MASP1: variants seen among roughly 807,000 people sequenced by gnomAD.
MASP1 encodes the protein mannan-binding lectin serine protease 1.
MASP1 carries 59 observed loss-of-function variants against 77.1 expected under a neutral mutation model. That is an observed-to-expected ratio of 0.77 (90% CI 0.62 to 0.95). The LOEUF (loss-of-function observed/expected upper bound fraction) is 0.95, where lower values mean the gene tolerates loss of function less well. Among genes scored for constraint, MASP1 ranks in the 40% least tolerant of loss-of-function variants. The probability of loss-of-function intolerance (pLI) is 0.00; values close to 1 mark genes in which losing one functional copy is unlikely to be tolerated. For missense variants in MASP1, 885 were observed against 912.9 expected (o/e 0.97, Z 0.39); for synonymous variants, 362 against 354.5 (o/e 1.02, Z -0.24).
chr3:187,220,943 C>T (rs1275297496), intron 15 of MASP1: 2 of 1,029,462 alleles, frequency 1.9e-6, no homozygotes, highest in Non-Finnish European at 3.1e-6. Flanking sequence ...ACTGCCAGCC[C>T]ACCAGGTTGG....
chr3:187,237,463 C>G (rs866763508), intron 10 of MASP1, among the ~76,000 whole-genome samples: 4 of 152,330 alleles, frequency 2.6e-5, no homozygotes, highest in Admixed American at 1.3e-4. Context: ...TGGATTAAGC[C>G]CCAGGGCATC....
chr3:187,256,769 C>T lies in MASP1; in HGVS notation c.639G>A (p.Leu213=). The change falls in exon 5 of 11, where the codon CTG becomes CTA. Residue 213 remains leucine (L), a synonymous_variant. Coordinates refer to ENST00000296280, the MANE Select transcript of MASP1 (RefSeq NM_139125.4). Reference sequence around the variant, plus strand: ...AACCCTCCTCCAGCTCGATGGTATACAGGCATTCAGAGCTCTTGGGGTAAG... The same window carrying T: ...AACCCTCCTCCAGCTCGATGGTATATAGGCATTCAGAGCTCTTGGGGTAAG... ...PNPYPKSSEC[L]YTIELEEGFM... 1.2e-6 allele frequency: 2 copies of T among 1,613,954 alleles called. No homozygotes were observed. The highest frequency in any genetic ancestry group is 1.1e-5 in the South Asian group (1 of 91,070).
intron 8 of MASP1, chr3:187,243,889 G>T (rs1417067115): frequency 2.0e-6 from 1 of 502,626 alleles, no homozygotes; most frequent in African/African-American, 1.9e-5. Context: ...GGTAGGGGAA[G>T]GTCTACTGAG....
Position 187,256,675 on chromosome 3 carries a change from C to T in MASP1, c.733G>A (p.Asp245Asn), listed in dbSNP as rs1401421441. The T allele has an allele frequency of 6.2e-7, 1 of 1,613,948 alleles. No individual in the cohort carries two copies. The highest frequency in any genetic ancestry group is 1.1e-5 in the South Asian group (1 of 91,048). Reference protein sequence around the residue: ...EDHPEVPCPYDYIKIKVGPKV... With the variant: ...EDHPEVPCPYNYIKIKVGPKV... ...CATTGCAGGCTCACCTTGATGTAGTCATAGGGGCAGGGCACCTCAGGATGG... is the reference window on the plus strand; with the variant it reads ...CATTGCAGGCTCACCTTGATGTAGTTATAGGGGCAGGGCACCTCAGGATGG... The change falls in exon 5 of 11, where the codon GAC (aspartate) becomes AAC (asparagine). Residue 245 changes from aspartate to asparagine, a missense_variant. Asp to Asn is a conservative substitution (Grantham distance 23). Coordinates refer to ENST00000296280, the MANE Select transcript of MASP1 (RefSeq NM_139125.4).
intron 10 of MASP1, 150 bp from the exon 11 acceptor site, chr3:187,236,717 G>C: frequency 7.3e-7 from 1 of 1,375,478 alleles, no homozygotes; most frequent in Non-Finnish European, 1.0e-6. Context: ...TAGCCTGGGA[G>C]AGCTCTACTC....
At chr3:187,262,938 G>T (rs924637840) in intron 2 of MASP1, 1 of 527,616 alleles carries the variant, frequency 1.9e-6, no homozygotes, top group Non-Finnish European at 3.4e-6. Flanking sequence ...AGTTCCATTA[G>T]AAGTAGCTTG....
Position 187,234,374 on chromosome 3 carries a change from C to T in MASP1, c.*1310G>A, listed in dbSNP as rs753222926. On this transcript the variant is annotated 3_prime_UTR_variant, in exon 11 of 11. Transcript: ENST00000296280. ...ATCAGCCCTGTGAGGGCCAGAGAGG[C>T]TGCTAGCAGTCAGGGAAGCTCTGAG... The T allele has an allele frequency of 4.0e-5, 52 of 1,287,132 alleles. No individual in the cohort carries two copies. The highest frequency in any genetic ancestry group is 5.1e-5 in the Non-Finnish European group (50 of 988,716). The allele number at this position is 1,287,132 out of a possible 1,614,324, so 79.7% of individuals were successfully genotyped here.
intron 8 of MASP1, chr3:187,246,412 CT>C: frequency 1.0e-6 from 1 of 985,444 alleles, no homozygotes; most frequent in Non-Finnish European, 1.2e-6. Context: ...GCCAGCCCAT[CT>C]CTTCTTTGGG....
chr3:187,243,814 T>G (rs890412095), intron 8 of MASP1, 193 bp from the exon 9 acceptor site: 2 of 675,858 alleles, frequency 3.0e-6, no homozygotes, highest in Admixed American at 2.1e-5. Context: ...GTCCTGCTTT[T>G]GAGGTCTCTT....
intron 6 of MASP1, among the ~76,000 whole-genome samples, chr3:187,252,896 T>A (rs2108543782): frequency 6.6e-6 from 1 of 152,328 alleles, no homozygotes; most frequent in South Asian, 2.1e-4. Flanking sequence ...GGAAACAAGA[T>A]TTCTTTTTCT....
At chr3:187,275,494 G>A (rs1330671241) in intron 2 of MASP1, among the ~76,000 whole-genome samples, 5 of 152,144 alleles carry the variant, frequency 3.3e-5, no homozygotes, top group Non-Finnish European at 7.4e-5. Flanking sequence ...CTCCCCAGGC[G>A]GTAGGTGTGC....
downstream of MASP1, chr3:187,229,624 G>T (rs762294896): frequency 1.7e-6 from 2 of 1,187,998 alleles, no homozygotes; most frequent in South Asian, 1.4e-5. Context: ...CAGTCTAGCC[G>T]AGAACTCTTT....
At position 187,256,688 on chromosome 3, in the gene MASP1, C is replaced by A. The variant is rs772872650; in HGVS notation, c.720G>T (p.Val240=). 6 of 1,613,952 alleles carry A rather than the reference C, an allele frequency of 3.7e-6. No homozygotes were observed. Among genetic ancestry groups the A allele is most frequent in the Non-Finnish European group, 5.1e-6 (6 of 1,180,010 alleles). ...CCTTGATGTAGTCATAGGGGCAGGGCACCTCAGGATGGTCCTCAATGTCAA... is the reference window on the plus strand; with the variant it reads ...CCTTGATGTAGTCATAGGGGCAGGGAACCTCAGGATGGTCCTCAATGTCAA... ...DIFDIEDHPE[V]PCPYDYIKIK... The change falls in exon 5 of 11, where the codon GTG becomes GTT. Residue 240 remains valine (V), a synonymous_variant. Transcript: ENST00000296280.
rs1049034217 is a variant in MASP1, at chr3:187,250,159, C to T, written c.1090+92G>A. The T allele has an allele frequency of 1.3e-5, 14 of 1,038,860 alleles. No homozygotes were observed. The African/African-American group carries it at 2.0e-4, about 15-fold the overall frequency. The allele number at this position is 1,038,860 out of a possible 1,614,324, so 64.4% of individuals were successfully genotyped here. On this transcript the variant is annotated intron_variant, in intron 8 of 10. Coordinates refer to ENST00000296280, the MANE Select transcript of MASP1 (RefSeq NM_139125.4). The stretch of plus-strand genomic sequence containing the variant: ...CTGCTCCCATCCCCCTTAGAGTGCT[C>T]CTGCCAAGCTTTCACCCTTGCATGC...
chr3:187,231,409 A>G (rs1386349421), downstream of MASP1, among the ~76,000 whole-genome samples: 1 of 152,234 alleles, frequency 6.6e-6, no homozygotes, highest in Non-Finnish European at 1.5e-5. Context: ...AAGCTTCTGA[A>G]AAGACGAGTT....
intron 2 of MASP1, among the ~76,000 whole-genome samples, chr3:187,283,246 A>G (rs373661872): frequency 1.3e-5 from 2 of 152,350 alleles, no homozygotes; most frequent in Admixed American, 6.5e-5. Context: ...CAAGCTTTGG[A>G]TAGAAATCTA....
chr3:187,271,495 T>A (rs1431777304), intron 2 of MASP1, among the ~76,000 whole-genome samples: 1 of 152,152 alleles, frequency 6.6e-6, no homozygotes, highest in African/African-American at 2.4e-5. Context: ...TATAGCAATA[T>A]GGAAATATTC....
At chr3:187,252,921 C>T (rs1714741610) in intron 6 of MASP1, among the ~76,000 whole-genome samples, 1 of 152,188 alleles carries the variant, frequency 6.6e-6, no homozygotes, top group African/African-American at 2.4e-5. Context: ...TCTCTCTATG[C>T]GATACTGAAG....
At chr3:187,274,258 T>C (rs1166175533) in intron 2 of MASP1, among the ~76,000 whole-genome samples, 1 of 152,116 alleles carries the variant, frequency 6.6e-6, no homozygotes. Flanking sequence ...CCTTGTTCTA[T>C]GTGGAACTTT....
Sources: allele counts gnomAD v4.1 joint callset (sites outside exome capture counted in the v4.1 genomes callset), GRCh38; gene constraint gnomAD v4.1.1; transcripts MANE v1.5; gene names NCBI Gene and HGNC (gene_info 2026-07-23, HGNC 2026-07-21).